CSMD1: variants seen among roughly 807,000 people sequenced by gnomAD.
CSMD1 encodes CUB and Sushi multiple domains 1, also known as CUB and sushi domain-containing protein 1.
CSMD1 carries 213 observed loss-of-function variants against 417.5 expected under a neutral mutation model. The observed-to-expected ratio is 0.51, with a 90% CI of 0.46 to 0.57. The LOEUF (loss-of-function observed/expected upper bound fraction) is 0.57. Ranked by LOEUF, CSMD1 falls within the 20% of genes least tolerant of loss-of-function variation. CSMD1 has a pLI of 0.00. For missense variants in CSMD1, 6,923 were observed against 4,529.7 expected, an observed-to-expected ratio of 1.53 and a Z score of -15.17; for synonymous variants, 2,862 against 1,736.8, an observed-to-expected ratio of 1.65 and a Z score of -16.11.
chr8:3,325,823 C>CAAACAA (rs898067476), intron 23 of CSMD1, among the ~76,000 whole-genome samples: 21 of 151,924 alleles, frequency 1.4e-4, no homozygotes, highest in East Asian at 1.9e-4. Context: ...GGCTCCGTCT[C>CAAACAA]AAACAAAAAC....
At chr8:3,349,398 T>C (rs980857583) in intron 21 of CSMD1, among the ~76,000 whole-genome samples, 6 of 152,128 alleles carry the variant, frequency 3.9e-5, no homozygotes, top group Non-Finnish European at 8.8e-5. Flanking sequence ...CAGTGATTTG[T>C]GCACGTTGAA....
At chr8:4,698,998 T>A (rs1447700705) in intron 1 of CSMD1, among the ~76,000 whole-genome samples, 1 of 152,040 alleles carries the variant, frequency 6.6e-6, no homozygotes, top group Non-Finnish European at 1.5e-5. Flanking sequence ...ATGGTCATGC[T>A]TTGTGTCTCC....
chr8:4,465,330 G>C (rs75195506), intron 2 of CSMD1, among the ~76,000 whole-genome samples: 1 of 152,066 alleles, frequency 6.6e-6, no homozygotes, highest in Non-Finnish European at 1.5e-5. Flanking sequence ...CGGTCCCTGT[G>C]CTTGCAAAAA....
rs192568937 is a variant in CSMD1, at chr8:4,849,150, G to A, written c.85+145182C>T. On this transcript the variant is annotated intron_variant, in intron 1 of 69. Transcript: ENST00000635120. ...TAGGCTAATGTGCGTTTGTGTCTTA[G>A]CTTTTAACAAAAACGTTTTCAAAAA... is the stretch of plus-strand genomic sequence containing the variant. 2.3e-3 allele frequency among the ~76,000 whole-genome samples: 356 copies of A among 152,166 alleles called. 1 individual carries two copies. The highest frequency in any genetic ancestry group is 3.8e-3 in the Non-Finnish European group (261 of 67,992).
At chr8:3,723,372 C>G (rs1156530618) in intron 6 of CSMD1, among the ~76,000 whole-genome samples, 6 of 152,172 alleles carry the variant, frequency 3.9e-5, no homozygotes, top group African/African-American at 1.4e-4. Context: ...TTCTTAAAGT[C>G]AATTGAGCCA....
At chr8:3,415,001 G>C (rs1239065812) in intron 12 of CSMD1, among the ~76,000 whole-genome samples, 1 of 152,138 alleles carries the variant, frequency 6.6e-6, no homozygotes, top group Non-Finnish European at 1.5e-5. Context: ...GTCTATCTTG[G>C]TGATTGTTAA....
intron 10 of CSMD1, among the ~76,000 whole-genome samples, chr8:3,495,093 T>A (rs138112541): frequency 2.6e-5 from 4 of 152,380 alleles, no homozygotes; most frequent in African/African-American, 9.6e-5. Flanking sequence ...GCAGTATTTG[T>A]ATGAATACAT....
chr8:4,732,285 T>A (rs552043696), intron 1 of CSMD1, among the ~76,000 whole-genome samples: 47 of 152,152 alleles, frequency 3.1e-4, no homozygotes, highest in African/African-American at 1.1e-3. Flanking sequence ...TGCTAGATTC[T>A]AGAAACCTTA....
chr8:3,412,518 T>G (rs1029761291), intron 12 of CSMD1, among the ~76,000 whole-genome samples: 3 of 152,162 alleles, frequency 2.0e-5, no homozygotes, highest in African/African-American at 7.2e-5. Context: ...GAAGTGAAGT[T>G]TGATACATTA....
intron 21 of CSMD1, among the ~76,000 whole-genome samples, chr8:3,352,166 G>A (rs1039623797): frequency 6.6e-6 from 1 of 152,152 alleles, no homozygotes; most frequent in Non-Finnish European, 1.5e-5. Context: ...GGGAAGGAAT[G>A]CCAGGACCTG....
chr8:4,098,623 G>T, intron 3 of CSMD1, among the ~76,000 whole-genome samples: 1 of 152,070 alleles, frequency 6.6e-6, no homozygotes, highest in South Asian at 2.1e-4. Context: ...TGAAGGTAGT[G>T]AAATACCCCA....
chr8:4,231,851 T>C (rs891025223), intron 3 of CSMD1, among the ~76,000 whole-genome samples: 5 of 152,206 alleles, frequency 3.3e-5, no homozygotes, highest in Non-Finnish European at 7.3e-5. Context: ...TGTACATGTA[T>C]ATGATAAAGG....
At chr8:4,246,934 T>A (rs1025441443) in intron 3 of CSMD1, among the ~76,000 whole-genome samples, 2 of 152,198 alleles carry the variant, frequency 1.3e-5, no homozygotes, top group African/African-American at 4.8e-5. Context: ...TAAGAGAGAA[T>A]GTAGATAATA....
rs553297136 is a variant in CSMD1, at chr8:4,924,842, C to T, written c.85+69490G>A. Among the ~76,000 whole-genome samples the T allele has an allele frequency of 9.3e-5, 14 of 150,708 alleles. No homozygotes were observed. In the Middle Eastern group the frequency reaches 0.017, roughly 188 times the overall value. On this transcript the variant is annotated intron_variant, in intron 1 of 69. Coordinates refer to ENST00000635120, the MANE Select transcript of CSMD1 (RefSeq NM_033225.6). ...TTGTCATATTAAGATTATTACAGTTCGGGAAGAAAATATGTTTCTCAAGTT... is the reference window on the plus strand; with the variant it reads ...TTGTCATATTAAGATTATTACAGTTTGGGAAGAAAATATGTTTCTCAAGTT...
At chr8:4,590,901 G>C (rs931941474) in intron 2 of CSMD1, among the ~76,000 whole-genome samples, 3 of 152,168 alleles carry the variant, frequency 2.0e-5, no homozygotes, top group Admixed American at 6.5e-5. Flanking sequence ...ACACATTTCT[G>C]TGATACAACA....
chr8:3,595,096 C>A (rs1281624678), intron 8 of CSMD1, among the ~76,000 whole-genome samples: 1 of 152,152 alleles, frequency 6.6e-6, no homozygotes, highest in Non-Finnish European at 1.5e-5. Context: ...GTATCCTCTC[C>A]GATTGTCCTA....
intron 37 of CSMD1, among the ~76,000 whole-genome samples, chr8:3,179,093 C>G (rs898450406): frequency 6.6e-5 from 10 of 150,532 alleles, no homozygotes; most frequent in South Asian, 2.2e-4. Flanking sequence ...GACTACAGGC[C>G]CGCCACCACG....
intron 3 of CSMD1, among the ~76,000 whole-genome samples, chr8:4,118,078 A>T (rs1417022193): frequency 4.6e-5 from 7 of 152,210 alleles, no homozygotes; most frequent in South Asian, 4.2e-4. Flanking sequence ...CGGCCATATG[A>T]TTAGACAAAT....
At chr8:4,544,465 C>T (rs564310839) in intron 2 of CSMD1, among the ~76,000 whole-genome samples, 16 of 151,996 alleles carry the variant, frequency 1.1e-4, no homozygotes, top group South Asian at 2.1e-4. Flanking sequence ...TTCCTTGTAA[C>T]GTTACATAAA....
Sources: gnomAD v4.1 joint callset for allele counts (sites outside exome capture counted in the v4.1 genomes callset) on GRCh38, gnomAD v4.1.1 for gene constraint, MANE v1.5 for transcripts, NCBI Gene and HGNC (gene_info 2026-07-23, HGNC 2026-07-21) for gene names.